EYS: variants seen among roughly 807,000 people sequenced by gnomAD.
The protein encoded by EYS is protein eyes shut homolog.
In EYS, 250 loss-of-function variants were observed where a neutral mutation model predicts 282.1. The observed-to-expected ratio is 0.89, with a 90% confidence interval of 0.80 to 0.98. The LOEUF is 0.98. Among genes scored for constraint, EYS ranks in the 50% least tolerant of loss-of-function variants. The pLI is 0.00. For synonymous variants in EYS, 1,355 were observed against 1,282.9 expected (o/e 1.06, Z -1.20); for missense variants, 4,016 against 3,709.0 (o/e 1.08, Z -2.15).
chr6:64,430,943 G>T (rs951299956), intron 28 of EYS, among the ~76,000 whole-genome samples: 9 of 152,152 alleles, frequency 5.9e-5, no homozygotes, highest in Non-Finnish European at 1.2e-4. Context: ...TGTGGTCAGA[G>T]AGTAGAAAAG....
intron 4 of EYS, among the ~76,000 whole-genome samples, chr6:65,491,147 TG>T (rs1766028092): frequency 6.6e-6 from 1 of 152,076 alleles, no homozygotes; most frequent in Non-Finnish European, 1.5e-5. Flanking sequence ...CAGAAATGGC[TG>T]CCTGGATTCT....
chr6:65,513,027 A>T (rs1273232843), intron 2 of EYS, among the ~76,000 whole-genome samples: 1 of 152,202 alleles, frequency 6.6e-6, no homozygotes, highest in African/African-American at 2.4e-5. Context: ...GATCAACAAA[A>T]TTGATAGACC....
intron 26 of EYS, among the ~76,000 whole-genome samples, chr6:64,458,943 T>C (rs906679839): frequency 1.7e-4 from 26 of 152,174 alleles, no homozygotes; most frequent in Non-Finnish European, 1.5e-5. Flanking sequence ...AACACAGTCT[T>C]TGCAATACTT....
chr6:64,857,479 C>T (rs188029904), intron 19 of EYS, among the ~76,000 whole-genome samples: 1 of 152,238 alleles, frequency 6.6e-6, no homozygotes, highest in South Asian at 2.1e-4. Context: ...ATGTACAGCA[C>T]ATTTTCTTTA....
intron 33 of EYS, among the ~76,000 whole-genome samples, chr6:64,053,353 A>G (rs937663556): frequency 6.6e-5 from 10 of 152,166 alleles, no homozygotes; most frequent in Non-Finnish European, 1.0e-4. Context: ...AATTTTATAA[A>G]GCATATTTTA....
rs1776482325 is a variant in EYS at position 64,483,004 on chromosome 6, A to T, written c.5645-43652T>A. Among the ~76,000 whole-genome samples the T allele has an allele frequency of 2.6e-5, 4 of 151,576 alleles. No individual in the cohort carries two copies. In the South Asian group the frequency reaches 8.3e-4, roughly 31 times the overall value. ...CTATTCTATCAACAAATTTATCAAGATCTACTCTGTTGGCCACTAGAGCTG... is the reference window on the plus strand; with the variant it reads ...CTATTCTATCAACAAATTTATCAAGTTCTACTCTGTTGGCCACTAGAGCTG... On this transcript the variant is annotated intron_variant, in intron 26 of 42. Coordinates refer to ENST00000503581, the MANE Select transcript of EYS (RefSeq NM_001142800.2).
intron 11 of EYS, among the ~76,000 whole-genome samples, chr6:65,310,293 G>A (rs376428944): frequency 4.6e-5 from 7 of 152,080 alleles, no homozygotes; most frequent in Non-Finnish European, 7.4e-5. Context: ...GCAGTGAGCC[G>A]AGATCATGAC....
intron 33 of EYS, among the ~76,000 whole-genome samples, chr6:64,027,776 G>A (rs1769604833): frequency 6.6e-6 from 1 of 152,214 alleles, no homozygotes; most frequent in Admixed American, 6.5e-5. Context: ...GTTTCCCTGG[G>A]ACAGAAGCCC....
chr6:65,601,510 A>C (rs1313063414), intron 2 of EYS, among the ~76,000 whole-genome samples: 2 of 151,880 alleles, frequency 1.3e-5, no homozygotes, highest in African/African-American at 4.8e-5. Flanking sequence ...AATATCTCAA[A>C]ATATCGATAA....
chr6:65,054,215 C>T (rs1243118232), intron 13 of EYS, among the ~76,000 whole-genome samples: 1 of 151,870 alleles, frequency 6.6e-6, no homozygotes, highest in Non-Finnish European at 1.5e-5. Context: ...GAACAAAGTA[C>T]CTTAACCTTA....
At chr6:65,325,745 A>G (rs1769600918) in intron 11 of EYS, among the ~76,000 whole-genome samples, 1 of 152,064 alleles carries the variant, frequency 6.6e-6, no homozygotes, top group African/African-American at 2.4e-5. Flanking sequence ...ACTCCTAGAA[A>G]TAGTTCCAGC....
At chr6:65,441,934 T>G (rs1201156121) in intron 5 of EYS, among the ~76,000 whole-genome samples, 1 of 152,076 alleles carries the variant, frequency 6.6e-6, no homozygotes, top group Non-Finnish European at 1.5e-5. Flanking sequence ...ATTTGCTTGC[T>G]TGAAAAACTA....
chr6:63,891,986 C>G (rs1216525253), intron 35 of EYS, among the ~76,000 whole-genome samples: 1 of 152,104 alleles, frequency 6.6e-6, no homozygotes, highest in African/African-American at 2.4e-5. Context: ...ACAATTGGTA[C>G]AAACAGAGTA....
At chr6:64,636,916 C>T (rs1471560585) in intron 22 of EYS, among the ~76,000 whole-genome samples, 4 of 137,094 alleles carry the variant, frequency 2.9e-5, no homozygotes, top group Non-Finnish European at 4.7e-5. Context: ...GTTAGAATGG[C>T]AATCATTAAA....
chr6:64,082,480 C>T (rs146164606), intron 31 of EYS, among the ~76,000 whole-genome samples: 1 of 151,990 alleles, frequency 6.6e-6, no homozygotes, highest in Non-Finnish European at 1.5e-5. Context: ...ATGGAGTATC[C>T]ATCACCTTAA....
intron 26 of EYS, among the ~76,000 whole-genome samples, chr6:64,539,382 T>C (rs1331010121): frequency 6.6e-6 from 1 of 152,034 alleles, no homozygotes; most frequent in Non-Finnish European, 1.5e-5. Context: ...CTGGGAAACC[T>C]AGCAATACCC....
chr6:64,492,476 T>C (rs1776768888), intron 26 of EYS, among the ~76,000 whole-genome samples: 1 of 144,008 alleles, frequency 6.9e-6, no homozygotes, highest in Non-Finnish European at 1.6e-5. Context: ...TTTTTTGTTG[T>C]TGTTGTTGTT....
chr6:64,738,767 T>A (rs1006156670), intron 22 of EYS, among the ~76,000 whole-genome samples: 2 of 152,062 alleles, frequency 1.3e-5, no homozygotes, highest in African/African-American at 2.4e-5. Context: ...ATTTTAGTAA[T>A]TTTTTTTAAG....
intron 29 of EYS, among the ~76,000 whole-genome samples, chr6:64,381,642 G>A (rs992542328): frequency 6.6e-6 from 1 of 152,002 alleles, no homozygotes; most frequent in Non-Finnish European, 1.5e-5. Context: ...CTTTTGTTAT[G>A]AACATTCCAG....
Sources: allele counts gnomAD v4.1 joint callset (sites outside exome capture counted in the v4.1 genomes callset), GRCh38; gene constraint gnomAD v4.1.1; transcripts MANE v1.5; gene names NCBI Gene and HGNC (gene_info 2026-07-23, HGNC 2026-07-21).